The following ATP6V0A4 variants were observed in gnomAD, a reference collection of about 807,000 sequenced individuals.
ATP6V0A4 encodes V-type proton ATPase 116 kDa subunit a 4.
ATP6V0A4 carries 86 observed loss-of-function variants against 107.3 expected under a neutral mutation model. The ratio of observed to expected loss-of-function variants is 0.80; its 90% CI spans 0.67 to 0.96. The LOEUF is 0.96. Among genes scored for constraint, ATP6V0A4 ranks in the 40% least tolerant of loss-of-function variants. The pLI is 0.00. For synonymous variants in ATP6V0A4, 353 were observed against 381.4 expected, an observed-to-expected ratio of 0.93 and a Z score of 0.87; for missense variants, 908 against 1,045.6, an observed-to-expected ratio of 0.87 and a Z score of 1.81.
chr7:138,751,900 G>A (rs1038477275), intron 11 of ATP6V0A4, among the ~76,000 whole-genome samples: 5 of 152,174 alleles, frequency 3.3e-5, no homozygotes, highest in African/African-American at 1.2e-4. Flanking sequence ...CCACTTGGGA[G>A]GCTGAGATGG....
chr7:138,784,907 G>A (rs1297596260), intron 2 of ATP6V0A4, among the ~76,000 whole-genome samples: 1 of 152,148 alleles, frequency 6.6e-6, no homozygotes, highest in African/African-American at 2.4e-5. Flanking sequence ...GGCTCTTGAG[G>A]GTGAAGAGAT....
intron 5 of ATP6V0A4, among the ~76,000 whole-genome samples, chr7:138,765,442 A>G (rs1807037501): frequency 6.6e-6 from 1 of 152,240 alleles, no homozygotes; most frequent in Non-Finnish European, 1.5e-5. Flanking sequence ...GTATAGCTGC[A>G]TGAGAATAAA....
chr7:138,713,037 T>G (rs1803826942), intron 20 of ATP6V0A4, among the ~76,000 whole-genome samples: 2 of 151,934 alleles, frequency 1.3e-5, no homozygotes, highest in Non-Finnish European at 2.9e-5. Flanking sequence ...ACGCCTGTAA[T>G]TCCAGCATTT....
chr7:138,789,047 A>G (rs1808283960), intron 1 of ATP6V0A4, among the ~76,000 whole-genome samples: 1 of 152,138 alleles, frequency 6.6e-6, no homozygotes, highest in African/African-American at 2.4e-5. Flanking sequence ...CAACACTGAG[A>G]TTCTAATTGT....
intron 18 of ATP6V0A4, among the ~76,000 whole-genome samples, chr7:138,724,354 T>C (rs1804602070): frequency 6.6e-6 from 1 of 152,136 alleles, no homozygotes; most frequent in African/African-American, 2.4e-5. Flanking sequence ...ACCTCTGGCT[T>C]CATCCTATAT....
At chr7:138,784,411 T>C (rs1164205798) in intron 2 of ATP6V0A4, among the ~76,000 whole-genome samples, 1 of 150,364 alleles carries the variant, frequency 6.7e-6, no homozygotes, top group African/African-American at 2.5e-5. Flanking sequence ...CTCCGTCTCC[T>C]GGGTTCACGC....
intron 2 of ATP6V0A4, among the ~76,000 whole-genome samples, chr7:138,775,309 T>G (rs1807609064): frequency 6.6e-6 from 1 of 152,100 alleles, no homozygotes; most frequent in Non-Finnish European, 1.5e-5. Flanking sequence ...ATCCCATACA[T>G]CATATTATTT....
intron 18 of ATP6V0A4, among the ~76,000 whole-genome samples, chr7:138,723,237 CT>C (rs1804527958): frequency 6.6e-6 from 1 of 152,092 alleles, no homozygotes. Context: ...ACAAAAGTGC[CT>C]TTCCATTGTT....
At chr7:138,737,993 C>A (rs142731168) in intron 15 of ATP6V0A4, among the ~76,000 whole-genome samples, 2,755 of 145,720 alleles carry the variant, frequency 0.019, 91 homozygotes, top group African/African-American at 0.066. Context: ...AACTCCTGAC[C>A]TCAAGTGATC....
chr7:138,727,153 G>A (rs953083736), intron 18 of ATP6V0A4, among the ~76,000 whole-genome samples: 1 of 151,508 alleles, frequency 6.6e-6, no homozygotes, highest in African/African-American at 2.4e-5. Flanking sequence ...AGCCAGGCAG[G>A]GGGGCATGCC....
At chr7:138,724,392 C>T (rs997639155) in intron 18 of ATP6V0A4, among the ~76,000 whole-genome samples, 1 of 152,258 alleles carries the variant, frequency 6.6e-6, no homozygotes, top group African/African-American at 2.4e-5. Context: ...TGCACACAGA[C>T]ACCCTGACCC....
Position 138,769,206 on chromosome 7 carries a change from C to A in ATP6V0A4, c.163G>T (p.Val55Phe). Residue 55 changes from valine (V) to phenylalanine (F), a missense_variant, in exon 4 of 22, where the codon GTC (valine) becomes TTC (phenylalanine). By Grantham distance (50) the Val-to-Phe change is conservative (BLOSUM62 -1). Transcript: ENST00000310018. ...CTCTCCAGTGATTCACACCTTCTGA[C>A]TTCATTCACAAATTTCCTTTGAAAG... The part of the protein sequence containing the change: ...NSFQRKFVNE[V>F]RRCESLERIL... 1 of 1,612,152 alleles carries A rather than the reference C, an allele frequency of 6.2e-7. No individual in the cohort carries two copies. Among genetic ancestry groups the A allele is most frequent in the Non-Finnish European group, 8.5e-7 (1 of 1,179,860 alleles).
intron 3 of ATP6V0A4, among the ~76,000 whole-genome samples, chr7:138,769,595 G>A (rs566177935): frequency 2.0e-4 from 31 of 152,202 alleles, no homozygotes; most frequent in Non-Finnish European, 3.7e-4. Flanking sequence ...GATTACAAGC[G>A]TGAGGCACTG....
Position 138,798,131 on chromosome 7 carries a change from G to A in ATP6V0A4, c.-218C>T. 1 of 1,601,782 alleles carries A rather than the reference G, an allele frequency of 6.2e-7. No homozygotes were observed. Among genetic ancestry groups the A allele is most frequent in the Non-Finnish European group, 8.5e-7 (1 of 1,174,860 alleles). ...TGCAGCGCCTCCCCGCTGCCACCCG[G>A]GCCACCCTGATCCTCAGCCTGGCCT... On this transcript the variant is annotated 5_prime_UTR_variant, in exon 1 of 22. Coordinates refer to ENST00000310018, the MANE Select transcript of ATP6V0A4 (RefSeq NM_020632.3).
intron 14 of ATP6V0A4, among the ~76,000 whole-genome samples, chr7:138,740,112 A>AT (rs71169053): frequency 5.4e-5 from 8 of 148,982 alleles, no homozygotes; most frequent in South Asian, 4.3e-4. Flanking sequence ...AAAAAAAAAA[A>AT]GGGAGAAGGG....
intron 11 of ATP6V0A4, among the ~76,000 whole-genome samples, chr7:138,750,885 A>G (rs578093316): frequency 6.6e-6 from 1 of 152,292 alleles, no homozygotes; most frequent in East Asian, 1.9e-4. Flanking sequence ...TAGTCAGGTT[A>G]CTTCTACTTT....
chr7:138,728,507 G>A (rs1029681426), intron 18 of ATP6V0A4, among the ~76,000 whole-genome samples: 9 of 136,428 alleles, frequency 6.6e-5, no homozygotes, highest in African/African-American at 1.7e-4. Flanking sequence ...GATTACAGGC[G>A]TGGGCTACTG....
In ATP6V0A4 at chr7:138,732,860, A is replaced by G; in HGVS notation, c.1908+17T>C. The G allele has an allele frequency of 6.3e-7, 1 of 1,579,124 alleles. No homozygotes were observed. Among genetic ancestry groups the G allele is most frequent in the South Asian group, 1.2e-5 (1 of 85,664 alleles). ...GTAAATAAAAGAAGAGTAAAAAAAA[A>G]AAAATAGCAGAAATACCTGATGTTT... is the stretch of plus-strand genomic sequence containing the variant. On this transcript the variant is annotated intron_variant, in intron 17 of 21. Coordinates refer to ENST00000310018, the MANE Select transcript of ATP6V0A4 (RefSeq NM_020632.3).
intron 20 of ATP6V0A4, among the ~76,000 whole-genome samples, chr7:138,713,716 TAGAG>T (rs1455205671): frequency 1.3e-5 from 2 of 151,770 alleles, no homozygotes; most frequent in African/African-American, 4.8e-5. Flanking sequence ...AAATATCAGA[TAGAG>T]AGAGAATTAA....
Sources: allele counts gnomAD v4.1 joint callset (sites outside exome capture counted in the v4.1 genomes callset), GRCh38; gene constraint gnomAD v4.1.1; transcripts MANE v1.5; gene names NCBI Gene and HGNC (gene_info 2026-07-23, HGNC 2026-07-21).